Variants in PBX1 observed in about 807,000 individuals in gnomAD.
PBX1 encodes the protein pre-B-cell leukemia transcription factor 1.
PBX1 carries 6 observed loss-of-function variants against 53.4 expected under a neutral mutation model. The ratio of observed to expected loss-of-function variants is 0.11; its 90% confidence interval spans 0.06 to 0.22. The LOEUF is 0.22. Among genes scored for constraint, PBX1 ranks in the 10% least tolerant of loss-of-function variants. The pLI is 1.00. For missense variants in PBX1, 251 were observed against 551.4 expected (o/e 0.46, Z 5.46); for synonymous variants, 204 against 212.3 (o/e 0.96, Z 0.34).
intron 2 of PBX1, among the ~76,000 whole-genome samples, chr1:164,627,861 A>T (rs978799034): frequency 1.4e-4 from 21 of 152,180 alleles, no homozygotes; most frequent in African/African-American, 4.8e-4. Context: ...TTTCTCACAC[A>T]TCACTGTGTT....
chr1:164,709,356 G>A (rs537560969), intron 2 of PBX1, among the ~76,000 whole-genome samples: 14 of 152,086 alleles, frequency 9.2e-5, no homozygotes, highest in Non-Finnish European at 2.1e-4. Context: ...ACTCGAAATT[G>A]TGCAAGGACA....
chr1:164,633,803 A>G (rs989140370), intron 2 of PBX1, among the ~76,000 whole-genome samples: 1 of 152,230 alleles, frequency 6.6e-6, no homozygotes, highest in Non-Finnish European at 1.5e-5. Context: ...TAATAGTAGT[A>G]TCTACTTCAT....
chr1:164,835,995 T>C (rs113139041), intron 8 of PBX1, among the ~76,000 whole-genome samples: 2,919 of 152,208 alleles, frequency 0.019, 105 homozygotes, highest in African/African-American at 0.064. Flanking sequence ...AGTGGAAAGT[T>C]TAGGGGGAGA....
intron 2 of PBX1, among the ~76,000 whole-genome samples, chr1:164,697,785 T>A (rs1266370599): frequency 6.6e-6 from 1 of 152,196 alleles, no homozygotes; most frequent in Non-Finnish European, 1.5e-5. Context: ...TCACTTAGCC[T>A]GATTGTGGTC....
chr1:164,815,591 C>A (rs1388528779), intron 6 of PBX1: 1 of 152,180 alleles, frequency 6.6e-6, no homozygotes. Context: ...CTGGAGAGGC[C>A]TCAGGAAACT....
At chr1:164,730,319 GGTGATGCTGCT>G (rs1414559867) in intron 2 of PBX1, among the ~76,000 whole-genome samples, 1 of 152,182 alleles carries the variant, frequency 6.6e-6, no homozygotes, top group African/African-American at 2.4e-5. Flanking sequence ...TCTGTGGCCT[GGTGATGCTGCT>G]GTGTGCCCAG....
At chr1:164,807,402 C>A in intron 4 of PBX1, 140 bp from the exon 5 acceptor site, 1 of 988,622 alleles carries the variant, frequency 1.0e-6, no homozygotes, top group Non-Finnish European at 1.5e-6. Flanking sequence ...GTTTTGGCAT[C>A]CAGCCCCTTT....
chr1:164,644,703 C>G (rs754661904), intron 2 of PBX1, among the ~76,000 whole-genome samples: 1 of 152,026 alleles, frequency 6.6e-6, no homozygotes, highest in Non-Finnish European at 1.5e-5. Context: ...TGTATCTTGG[C>G]CTTAATGTGT....
intron 2 of PBX1, 92 bp downstream of exon 2, chr1:164,563,403 T>A: frequency 1.3e-6 from 1 of 784,562 alleles, no homozygotes; most frequent in South Asian, 1.8e-5. Flanking sequence ...ATATTAAAAT[T>A]TCAGAATACA....
downstream of PBX1, among the ~76,000 whole-genome samples, chr1:164,856,172 T>C (rs1342612583): frequency 5.3e-5 from 8 of 152,134 alleles, no homozygotes; most frequent in Non-Finnish European, 8.8e-5. Context: ...GCAGGGCTTC[T>C]TCCCTGGGCA....
chr1:164,881,738 C>A, intron 2 of PBX1, among the ~76,000 whole-genome samples: 1 of 152,150 alleles, frequency 6.6e-6, no homozygotes, highest in East Asian at 1.9e-4. Flanking sequence ...CTACTGTGTG[C>A]TGTCTTGGTG....
At chr1:164,807,408 C>T in intron 4 of PBX1, 134 bp from the exon 5 acceptor site, 8 of 1,071,784 alleles carry the variant, frequency 7.5e-6, no homozygotes, top group Non-Finnish European at 8.0e-6. Context: ...GCATCCAGCC[C>T]CTTTTGGTAA....
At chr1:164,798,128 C>T (rs1476504307) in intron 3 of PBX1, among the ~76,000 whole-genome samples, 2 of 152,296 alleles carry the variant, frequency 1.3e-5, no homozygotes, top group South Asian at 2.1e-4. Context: ...CCCAGGCCTC[C>T]CATTCACCAG....
intron 2 of PBX1, among the ~76,000 whole-genome samples, chr1:164,735,806 T>A (rs1557974618): frequency 1.3e-5 from 2 of 152,164 alleles, no homozygotes; most frequent in Admixed American, 6.5e-5. Flanking sequence ...ATATCAGCAG[T>A]AATTGGATTC....
rs370561885 is a variant in PBX1 at position 164,559,935 on chromosome 1, G to A, written c.113G>A (p.Gly38Glu). 7.1e-6 allele frequency: 11 copies of A among 1,547,548 alleles called. No individual in the cohort carries two copies. The Admixed American group carries it at 2.0e-4, about 28-fold the overall frequency. Reference sequence around the variant, plus strand: ...GCCGGAGGGACCGAGGGGGAGGGCGGGAGGAAGCAGGACATTGGAGACATT... The same window carrying A: ...GCCGGAGGGACCGAGGGGGAGGGCGAGAGGAAGCAGGACATTGGAGACATT... ...DGAGGTEGEG[G>E]RKQDIGDILQ... Residue 38 changes from glycine to glutamate, a missense_variant, in exon 1 of 9, where the codon GGG becomes GAG. This residue lies in a region of PBX1 where 63 missense variants were observed against 78.7 expected (regional missense o/e 0.80). Transcript: ENST00000420696.
chr1:164,563,545 C>T (rs1653213888), intron 2 of PBX1, among the ~76,000 whole-genome samples: 1 of 152,048 alleles, frequency 6.6e-6, no homozygotes, highest in African/African-American at 2.4e-5. Context: ...TATTTCCAGC[C>T]TTTTTGAGAT....
intron 2 of PBX1, among the ~76,000 whole-genome samples, chr1:164,658,666 T>C (rs563803302): frequency 1.2e-4 from 19 of 152,324 alleles, no homozygotes; most frequent in African/African-American, 4.6e-4. Flanking sequence ...GGTTGGTCTT[T>C]ATGACCTTGG....
At chr1:164,871,555 C>T (rs1672383769) in intron 2 of PBX1, among the ~76,000 whole-genome samples, 1 of 152,160 alleles carries the variant, frequency 6.6e-6, no homozygotes, top group Non-Finnish European at 1.5e-5. Flanking sequence ...CCCGAGTGAC[C>T]CTGCCCCATC....
chr1:164,589,402 C>G (rs1407376038), intron 2 of PBX1, among the ~76,000 whole-genome samples: 1 of 151,970 alleles, frequency 6.6e-6, no homozygotes, highest in Admixed American at 6.6e-5. Context: ...GAAAATGATA[C>G]CTGTGGTGTC....
Sources: allele counts gnomAD v4.1 joint callset (sites outside exome capture counted in the v4.1 genomes callset), GRCh38; gene constraint gnomAD v4.1.1; regional missense constraint gnomAD v4.1.1; transcripts MANE v1.5; gene names NCBI Gene and HGNC (gene_info 2026-07-23, HGNC 2026-07-21).